The following FMNL3 variants were observed in gnomAD, a reference collection of about 807,000 sequenced individuals.
FMNL3 encodes formin like 3.
In FMNL3, 57 loss-of-function variants were observed where a neutral mutation model predicts 119.6. The ratio of observed to expected loss-of-function variants is 0.48; its 90% CI spans 0.39 to 0.59. FMNL3 has a LOEUF of 0.59. FMNL3 is among the 20% of genes least tolerant of loss of function. The probability of loss-of-function intolerance (pLI) is 0.00; values close to 1 mark genes in which losing one functional copy is unlikely to be tolerated. For missense variants in FMNL3, 1,053 were observed against 1,323.5 expected (o/e 0.80, Z 3.17); for synonymous variants, 491 against 507.3 (o/e 0.97, Z 0.43).
chr12:49,683,399 G>A (rs1944384334), intron 1 of FMNL3, among the ~76,000 whole-genome samples: 1 of 152,026 alleles, frequency 6.6e-6, no homozygotes, highest in Non-Finnish European at 1.5e-5. Flanking sequence ...CCTTGTTAGA[G>A]TAGTTAACTC....
Position 49,701,738 on chromosome 12 carries a change from A to T in FMNL3, c.126+5317T>A, listed in dbSNP as rs546589795. Among the ~76,000 whole-genome samples, 109 of 151,738 alleles carry T rather than the reference A, an allele frequency of 7.2e-4. No individual in the cohort carries two copies. The Middle Eastern group carries it at 0.01, about 15-fold the overall frequency. On this transcript the variant is annotated intron_variant, in intron 1 of 25. Coordinates refer to ENST00000335154, the MANE Select transcript of FMNL3 (RefSeq NM_175736.5). ...GGGGTTCGAGACCAGCCTGGCCAAC[A>T]CATGGTGAAACCCCGTCTCTACTAA...
intron 9 of FMNL3, among the ~76,000 whole-genome samples, chr12:49,655,777 A>T (rs1364934611): frequency 6.6e-6 from 1 of 152,074 alleles, no homozygotes; most frequent in Non-Finnish European, 1.5e-5. Context: ...GGCTTGAACA[A>T]TGGATGCTAG....
intron 2 of FMNL3, 64 bp from the exon 3 acceptor site, chr12:49,666,271 G>A (rs142053060): frequency 6.0e-5 from 85 of 1,418,348 alleles, no homozygotes; most frequent in Admixed American, 3.8e-4. Context: ...AGGGCACTGA[G>A]GAAGAAGAGC....
At chr12:49,655,120 C>T (rs746941717) in intron 9 of FMNL3, 136 bp from the exon 10 acceptor site, 4 of 722,030 alleles carry the variant, frequency 5.5e-6, no homozygotes, top group Non-Finnish European at 6.8e-6. Flanking sequence ...ATGAAATAGG[C>T]CATTCTGGAC....
intron 4 of FMNL3, among the ~76,000 whole-genome samples, chr12:49,664,988 C>T (rs753526144): frequency 6.6e-6 from 1 of 152,088 alleles, no homozygotes; most frequent in Non-Finnish European, 1.5e-5. Flanking sequence ...CAGGCCCTCC[C>T]ATCAGGTCTA....
intron 1 of FMNL3, among the ~76,000 whole-genome samples, chr12:49,677,986 C>G (rs1268836735): frequency 6.6e-6 from 1 of 151,946 alleles, no homozygotes; most frequent in Non-Finnish European, 1.5e-5. Flanking sequence ...CCTCAGCCTC[C>G]CAAGTAGCTG....
chr12:49,695,584 G>A (rs778906630), intron 1 of FMNL3, among the ~76,000 whole-genome samples: 15 of 152,034 alleles, frequency 9.9e-5, no homozygotes, highest in South Asian at 2.1e-4. Context: ...CAAAGTACGC[G>A]GCATACATCC....
intron 1 of FMNL3, among the ~76,000 whole-genome samples, chr12:49,678,158 G>A (rs879497679): frequency 1.8e-4 from 26 of 148,056 alleles, no homozygotes; most frequent in Admixed American, 1.4e-3. Context: ...CACCGTGCCC[G>A]GCCTATTTTA....
Position 49,637,293 on chromosome 12 carries a change from T to C in FMNL3, c.*8522A>G. 2 of 603,316 alleles carry C rather than the reference T, an allele frequency of 3.3e-6. No homozygotes were observed. Among genetic ancestry groups the C allele is most frequent in the East Asian group, 5.5e-5 (2 of 36,194 alleles). 37.4% of individuals were successfully genotyped at this position (603,316 alleles called of 1,614,324 possible). On this transcript the variant is annotated 3_prime_UTR_variant, in exon 26 of 26. Coordinates refer to ENST00000335154, the MANE Select transcript of FMNL3 (RefSeq NM_175736.5). ...TCCCTCTCTGTGTATTTACTTTCTC[T>C]CTTTTTGCATTGTTCTCAGCCTTCC...
chr12:49,637,172 G>T lies in FMNL3; in HGVS notation c.*8643C>A, dbSNP rs1941941961. On this transcript the variant is annotated 3_prime_UTR_variant, in exon 26 of 26. Coordinates refer to ENST00000335154, the MANE Select transcript of FMNL3 (RefSeq NM_175736.5). The stretch of plus-strand genomic sequence containing the variant: ...AGGCAGAGTTTATTCCCTCAGCTTG[G>T]GGGTGGCAGTGGTGGTGGTAGTGCT... 2 of 572,690 alleles carry T rather than the reference G, an allele frequency of 3.5e-6. No homozygotes were observed. The highest frequency in any genetic ancestry group is 2.9e-5 in the East Asian group (1 of 34,382). The allele number at this position is 572,690 out of a possible 1,614,324, so 35.5% of individuals were successfully genotyped here. A position where few individuals can be genotyped will look rare whatever the true frequency, so the allele number is the denominator to read the frequency against.
chr12:49,686,802 A>T (rs1436128096), intron 1 of FMNL3, among the ~76,000 whole-genome samples: 1 of 152,112 alleles, frequency 6.6e-6, no homozygotes, highest in East Asian at 1.9e-4. Context: ...ATCTATTTAC[A>T]GTTAATCAGC....
At chr12:49,665,739 A>G in intron 4 of FMNL3, 93 bp downstream of exon 4, 1 of 1,329,988 alleles carries the variant, frequency 7.5e-7, no homozygotes, top group Non-Finnish European at 1.1e-6. Context: ...GGGAAGATGA[A>G]CAGGAACACC....
At chr12:49,655,775 C>A (rs1943548800) in intron 9 of FMNL3, among the ~76,000 whole-genome samples, 1 of 151,968 alleles carries the variant, frequency 6.6e-6, no homozygotes, top group Non-Finnish European at 1.5e-5. Flanking sequence ...CTGGCTTGAA[C>A]AATGGATGCT....
rs1565871194 is a variant in FMNL3, at chr12:49,654,209, G to A, written c.1054C>T (p.Leu352=). The A allele has an allele frequency of 5.0e-6, 8 of 1,614,078 alleles. No individual in the cohort carries two copies. Among genetic ancestry groups the A allele is most frequent in the East Asian group, 4.5e-5 (2 of 44,870 alleles). ...HLQYEFTKLG[L]EEFLQKSRHT... ...CAGCTCACCTGCAGGAACTCCTCTA[G>A]CCCCAGCTTGGTAAACTCATACTGC... Residue 352 remains leucine, a synonymous_variant, in exon 11 of 26, where the codon CTA becomes TTA. Transcript: ENST00000335154.
At chr12:49,662,331 G>A (rs527889598) in intron 4 of FMNL3, among the ~76,000 whole-genome samples, 3 of 152,312 alleles carry the variant, frequency 2.0e-5, no homozygotes, top group South Asian at 4.1e-4. Flanking sequence ...TTAAGGGCCA[G>A]ACCCTGGCTC....
Position 49,651,412 on chromosome 12 carries a change from G to T in FMNL3, c.1642C>A (p.Pro548Thr), listed in dbSNP as rs769350147. ...PPAPPLPGAA[P>T]SVVLTVGLSA... ...AGGCCCACTGTCAACACCACAGAGG[G>T]TGCAGCACCAGGGAGAGGTGGGGCT... The change falls in exon 15 of 26, where the codon CCC (proline) becomes ACC (threonine). Residue 548 changes from proline to threonine, a missense_variant. This residue lies in a region of FMNL3 where 445 missense variants were observed against 628.4 expected (regional missense o/e 0.71). Coordinates refer to ENST00000335154, the MANE Select transcript of FMNL3 (RefSeq NM_175736.5). The T allele has an allele frequency of 6.6e-7, 1 of 1,524,790 alleles. No homozygotes were observed. Among genetic ancestry groups the T allele is most frequent in the Non-Finnish European group, 8.8e-7 (1 of 1,132,102 alleles). The allele number at this position is 1,524,790 out of a possible 1,614,324, so 94.5% of individuals were successfully genotyped here.
intron 1 of FMNL3, among the ~76,000 whole-genome samples, chr12:49,686,345 GC>G (rs1944457536): frequency 6.6e-6 from 1 of 151,576 alleles, no homozygotes; most frequent in Non-Finnish European, 1.5e-5. Context: ...ACTTTGGGAG[GC>G]CGACGCAGGC....
At chr12:49,669,059 C>CGTTGTAG (rs10523923) in intron 1 of FMNL3, among the ~76,000 whole-genome samples, 26,784 of 152,114 alleles carry the variant, frequency 0.18, 3,422 homozygotes, top group African/African-American at 0.37. Context: ...CATCCATTCC[C>CGTTGTAG]ATGGGCAAAT....
Position 49,642,100 on chromosome 12 carries a change from C to T in FMNL3, c.*3715G>A. The T allele has an allele frequency of 6.2e-7, 1 of 1,603,578 alleles. No homozygotes were observed. Among genetic ancestry groups the T allele is most frequent in the East Asian group, 2.2e-5 (1 of 44,776 alleles). On this transcript the variant is annotated 3_prime_UTR_variant, in exon 26 of 26. Coordinates refer to ENST00000335154, the MANE Select transcript of FMNL3 (RefSeq NM_175736.5). The surrounding 1 kb of genome is among the most constrained non-coding windows in gnomAD (Gnocchi z 5.8). ...CTCCATTCCTTCTCACTCACTGTCC[C>T]ACTGACTATATTCCCAATTCAGGGG...
Sources: allele counts gnomAD v4.1 joint callset (sites outside exome capture counted in the v4.1 genomes callset), GRCh38; gene constraint gnomAD v4.1.1; regional missense constraint gnomAD v4.1.1; non-coding constraint Gnocchi (gnomAD v3.1); transcripts MANE v1.5; gene names NCBI Gene and HGNC (gene_info 2026-07-23, HGNC 2026-07-21).